Variants in ARFGEF3 observed in about 807,000 individuals in gnomAD.
ARFGEF3 encodes the protein ARFGEF family member 3.
A neutral mutation model predicts 221.7 loss-of-function variants in ARFGEF3; 96 were observed. The observed-to-expected ratio is 0.43, with a 90% CI of 0.37 to 0.51. ARFGEF3 has a LOEUF of 0.51. Among genes scored for constraint, ARFGEF3 ranks in the 20% least tolerant of loss-of-function variants. The pLI is 0.00. For missense variants in ARFGEF3, 2,410 were observed against 2,789.9 expected (o/e 0.86, Z 3.07); for synonymous variants, 1,145 against 1,126.8 (o/e 1.02, Z -0.32).
chr6:138,234,976 T>G (rs548178473), intron 5 of ARFGEF3, among the ~76,000 whole-genome samples: 1 of 152,292 alleles, frequency 6.6e-6, no homozygotes, highest in Non-Finnish European at 1.5e-5. Flanking sequence ...TGTGGCATCT[T>G]CTTTAATATT....
intron 5 of ARFGEF3, among the ~76,000 whole-genome samples, chr6:138,230,905 C>T (rs1460365300): frequency 6.6e-6 from 1 of 152,142 alleles, no homozygotes; most frequent in Non-Finnish European, 1.5e-5. Flanking sequence ...TCATTATCTG[C>T]AGGTTCACTT....
chr6:138,180,488 C>T (rs1777056911), intron 2 of ARFGEF3, among the ~76,000 whole-genome samples: 1 of 152,128 alleles, frequency 6.6e-6, no homozygotes, highest in African/African-American at 2.4e-5. Context: ...TGCCTTCTTC[C>T]TTTTCTCCCT....
intron 7 of ARFGEF3, among the ~76,000 whole-genome samples, chr6:138,244,845 G>A (rs1424356194): frequency 6.6e-6 from 1 of 152,082 alleles, no homozygotes; most frequent in African/African-American, 2.4e-5. Flanking sequence ...GTCAGAATAA[G>A]GAATACACAC....
chr6:138,319,019 T>A (rs1779974378), intron 27 of ARFGEF3, among the ~76,000 whole-genome samples: 1 of 152,066 alleles, frequency 6.6e-6, no homozygotes, highest in Non-Finnish European at 1.5e-5. Flanking sequence ...AGTGGTGTGA[T>A]CATAGCTCAC....
In ARFGEF3 at chr6:138,162,112, A is replaced by G; in HGVS notation, c.26A>G (p.Gln9Arg). 3.7e-6 allele frequency: 6 copies of G among 1,604,328 alleles called. No individual in the cohort carries two copies. The highest frequency in any genetic ancestry group is 5.1e-6 in the Non-Finnish European group (6 of 1,175,100). The change falls in exon 1 of 34, where the codon CAG (glutamine) becomes CGG (arginine). Residue 9 changes from glutamine (Q) to arginine (R), a missense_variant. Physicochemically the swap from Gln to Arg is conservative, Grantham distance 43 (BLOSUM62 1). Around this residue, in one of 5 missense-constraint regions of ARFGEF3, gnomAD observed 570 missense variants for 586.9 expected, o/e 0.97. Coordinates refer to ENST00000251691, the MANE Select transcript of ARFGEF3 (RefSeq NM_020340.5). The surrounding 1 kb of genome is among the most constrained non-coding windows in gnomAD (Gnocchi z 4.7). The part of the protein sequence containing the change: MEEILRKL[Q>R]KEASGSKYKA... ...ATGGAAGAAATCCTGAGGAAGCTGC[A>G]GAAGGAGGCGTCCGGGAGCAAGTAC...
At chr6:138,201,583 A>G (rs755379634) in intron 2 of ARFGEF3, among the ~76,000 whole-genome samples, 1 of 152,222 alleles carries the variant, frequency 6.6e-6, no homozygotes, top group Admixed American at 6.5e-5. Flanking sequence ...AAAACCACAC[A>G]TCGTATGTTC....
At chr6:138,204,787 T>A (rs1378104152) in intron 2 of ARFGEF3, among the ~76,000 whole-genome samples, 2 of 152,262 alleles carry the variant, frequency 1.3e-5, no homozygotes, top group Non-Finnish European at 2.9e-5. Flanking sequence ...TATCAATGCC[T>A]AGCATTTGGA....
At chr6:138,171,623 A>G (rs1389944644) in intron 2 of ARFGEF3, among the ~76,000 whole-genome samples, 1 of 152,212 alleles carries the variant, frequency 6.6e-6, no homozygotes, top group African/African-American at 2.4e-5. Context: ...CAATACAACA[A>G]AAAAGAAAGT....
intron 10 of ARFGEF3, among the ~76,000 whole-genome samples, chr6:138,260,317 G>T (rs1157081914): frequency 6.6e-6 from 1 of 152,184 alleles, no homozygotes; most frequent in African/African-American, 2.4e-5. Flanking sequence ...TCTATGTAAT[G>T]GACCTTTTCC....
At chr6:138,193,537 T>A in intron 2 of ARFGEF3, among the ~76,000 whole-genome samples, 1 of 152,322 alleles carries the variant, frequency 6.6e-6, no homozygotes, top group East Asian at 1.9e-4. Flanking sequence ...AAATAAATAT[T>A]TATTAAAGAA....
chr6:138,313,452 A>C (rs2114669232), intron 25 of ARFGEF3, among the ~76,000 whole-genome samples: 1 of 152,336 alleles, frequency 6.6e-6, no homozygotes, highest in East Asian at 1.9e-4. Flanking sequence ...GCCCCACAGA[A>C]CACTTATTCG....
intron 12 of ARFGEF3, among the ~76,000 whole-genome samples, chr6:138,272,459 T>C (rs989620963): frequency 6.6e-6 from 1 of 152,194 alleles, no homozygotes; most frequent in African/African-American, 2.4e-5. Context: ...ACCTGGCCTA[T>C]ATAGCCATTT....
intron 4 of ARFGEF3, among the ~76,000 whole-genome samples, chr6:138,215,374 A>G (rs141250754): frequency 1.5e-3 from 225 of 152,324 alleles, no homozygotes; most frequent in African/African-American, 5.1e-3. Flanking sequence ...AGAGCATTTG[A>G]TGAATATTCT....
At chr6:138,207,447 C>A (rs767739894) in intron 3 of ARFGEF3, among the ~76,000 whole-genome samples, 2 of 152,088 alleles carry the variant, frequency 1.3e-5, no homozygotes, top group Non-Finnish European at 2.9e-5. Context: ...CAAGTTCATA[C>A]CAATTCAAAT....
chr6:138,280,139 C>T lies in ARFGEF3; in HGVS notation c.2436C>T (p.Ser812=). ...AGYWGSPEDN[S]LPLITMLTDI... ...ATTGGGGCAGCCCAGAAGATAACAG[C>T]CTTCCCCTCATCACAATGCTGACCG... Residue 812 remains serine, a synonymous_variant, in exon 14 of 34, where the codon AGC becomes AGT. Transcript: ENST00000251691. 1.2e-6 allele frequency: 2 copies of T among 1,613,746 alleles called. No individual in the cohort carries two copies. The highest frequency in any genetic ancestry group is 8.5e-7 in the Non-Finnish European group (1 of 1,179,728).
At chr6:138,265,580 C>T (rs1778878134) in intron 12 of ARFGEF3, among the ~76,000 whole-genome samples, 1 of 152,068 alleles carries the variant, frequency 6.6e-6, no homozygotes, top group Non-Finnish European at 1.5e-5. Context: ...TTGACATTCT[C>T]TTATTGAACA....
Position 138,296,888 on chromosome 6 carries a change from G to A in ARFGEF3, c.3581G>A (p.Arg1194Gln), listed in dbSNP as rs148060961. The change falls in exon 21 of 34, where the codon CGG (arginine) becomes CAG (glutamine). Residue 1194 changes from arginine (R) to glutamine (Q), a missense_variant. Transcript: ENST00000251691. Reference sequence around the variant, plus strand: ...GGGAATGCCATGCTGAGGATTGTGCGGAGCAAAGCACGGCCCCTGCTCCAC... The same window carrying A: ...GGGAATGCCATGCTGAGGATTGTGCAGAGCAAAGCACGGCCCCTGCTCCAC... ...RLGNAMLRIVRSKARPLLHVM... is the reference protein window; with the variant it reads ...RLGNAMLRIVQSKARPLLHVM... 2.4e-3 allele frequency: 3,881 copies of A among 1,614,008 alleles called. 112 individuals are homozygous for A. The highest frequency in any genetic ancestry group is 2.6e-4 in the Non-Finnish European group (312 of 1,179,890).
chr6:138,289,705 C>T, intron 17 of ARFGEF3, 113 bp from the exon 18 acceptor site: 1 of 1,140,910 alleles, frequency 8.8e-7, no homozygotes, highest in Non-Finnish European at 1.3e-6. Context: ...TGCTTGCTGC[C>T]ACTGAAGTCT....
chr6:138,280,773 C>A (rs943902202), intron 14 of ARFGEF3, among the ~76,000 whole-genome samples: 3 of 152,150 alleles, frequency 2.0e-5, no homozygotes, highest in Admixed American at 2.0e-4. Context: ...ATCATTTGAA[C>A]CCGGGAGGCA....
Sources: gnomAD v4.1 joint callset for allele counts (sites outside exome capture counted in the v4.1 genomes callset) on GRCh38, gnomAD v4.1.1 for gene constraint, gnomAD v4.1.1 regional missense constraint, Gnocchi (gnomAD v3.1) non-coding constraint, MANE v1.5 for transcripts, NCBI Gene and HGNC (gene_info 2026-07-23, HGNC 2026-07-21) for gene names.